HDAC8: variants seen among roughly 807,000 people sequenced by gnomAD.
HDAC8 encodes histone deacetylase-like 1.
HDAC8 carries 1 observed loss-of-function variant against 32.2 expected under a neutral mutation model. That is an observed-to-expected ratio of 0.03 (90% CI 0.01 to 0.15). HDAC8 has a LOEUF of 0.15. HDAC8 is among the 10% of genes least tolerant of loss of function. The pLI is 1.00. For missense variants in HDAC8, 117 were observed against 300.0 expected, an observed-to-expected ratio of 0.39 and a Z score of 4.51; for synonymous variants, 108 against 113.9, an observed-to-expected ratio of 0.95 and a Z score of 0.33.
At position 72,473,751 on chromosome X, in the gene HDAC8, T is replaced by C. The variant is rs1569324711; in HGVS notation, c.738-9020A>G. On this transcript the variant is annotated intron_variant, in intron 7 of 10. Transcript: ENST00000373573. ...TATGTCAATATAACAGCAGATGCTG[T>C]TGCCAAAACTTTACTGGGAAGAGTG... 7 of 752,998 alleles carry C rather than the reference T, an allele frequency of 9.3e-6. No homozygotes were observed. The African/African-American group carries it at 1.6e-4, about 17-fold the overall frequency. 62.1% of individuals were successfully genotyped at this position (752,998 alleles called of 1,213,427 possible). A position where few individuals can be genotyped will look rare whatever the true frequency, so the allele number is the denominator to read the frequency against.
At chrX:72,526,191 A>T (rs2050147554) in intron 4 of HDAC8, among the ~76,000 whole-genome samples, 1 of 111,287 alleles carries the variant, frequency 9.0e-6, no homozygotes, top group South Asian at 3.8e-4. Flanking sequence ...GTGCTCTAGC[A>T]ATACTGAAAT....
chrX:72,413,530 A>G (rs1228583506), intron 9 of HDAC8, among the ~76,000 whole-genome samples: 1 of 110,592 alleles, frequency 9.0e-6, no homozygotes, highest in Non-Finnish European at 1.9e-5. Context: ...CTTGCCAAAT[A>G]TATTTGATAT....
At chrX:72,446,049 G>T (rs1442731608) in intron 9 of HDAC8, among the ~76,000 whole-genome samples, 2 of 112,109 alleles carry the variant, frequency 1.8e-5, no homozygotes, top group Non-Finnish European at 3.8e-5. Context: ...GTGCTGGAGA[G>T]GATGTGGAGA....
At chrX:72,351,996 G>A (rs2044196120) in intron 9 of HDAC8, among the ~76,000 whole-genome samples, 158 bp from the exon 10 acceptor site, 1 of 112,104 alleles carries the variant, frequency 8.9e-6, no homozygotes, top group Non-Finnish European at 1.9e-5. Flanking sequence ...CTGCCTTGGT[G>A]GTATCACTAC....
chrX:72,535,933 T>G (rs1223600433), intron 4 of HDAC8, among the ~76,000 whole-genome samples: 1 of 112,074 alleles, frequency 8.9e-6, no homozygotes, highest in Non-Finnish European at 1.9e-5. Flanking sequence ...TAGAACACAT[T>G]AGCTTTCTTT....
intron 10 of HDAC8, among the ~76,000 whole-genome samples, chrX:72,342,948 G>A (rs1193339427): frequency 9.0e-6 from 1 of 111,225 alleles, no homozygotes; most frequent in Non-Finnish European, 1.9e-5. Context: ...ATACTGTCAA[G>A]AGTTTGGCCA....
chrX:72,499,685 A>C (rs781813427), intron 4 of HDAC8, among the ~76,000 whole-genome samples: 1 of 111,816 alleles, frequency 8.9e-6, no homozygotes, highest in African/African-American at 3.2e-5. Flanking sequence ...GCCCACATCA[A>C]AAAGGTAGAA....
chrX:72,468,426 A>G (rs1555996025), intron 7 of HDAC8, among the ~76,000 whole-genome samples: 2 of 111,261 alleles, frequency 1.8e-5, no homozygotes, highest in Non-Finnish European at 3.8e-5. Flanking sequence ...CACTGTGCCA[A>G]TTCCTCCAGA....
chrX:72,489,192 C>T (rs903005871), intron 6 of HDAC8, 151 bp from the exon 7 acceptor site: 43 of 467,072 alleles, frequency 9.2e-5, no homozygotes, highest in Admixed American at 3.1e-5. Flanking sequence ...GAGAAGCAGG[C>T]AAATCATAAG....
chrX:72,489,052 G>C lies in HDAC8; in HGVS notation c.629-11C>G, dbSNP rs370859588. ...ACACGTCACCTGTTCCTATAAAAGA[G>C]AAGAGCACTATGATCAGTTATTAGG... is the stretch of plus-strand genomic sequence containing the variant. On this transcript the variant is annotated splice_polypyrimidine_tract_variant and intron_variant, in intron 6 of 10. Transcript: ENST00000373573. 3.6e-6 allele frequency: 4 copies of C among 1,100,460 alleles called. No homozygotes were observed. The highest frequency in any genetic ancestry group is 5.0e-6 in the Non-Finnish European group (4 of 803,957). 90.7% of individuals were successfully genotyped at this position (1,100,460 alleles called of 1,213,427 possible).
intron 7 of HDAC8, among the ~76,000 whole-genome samples, chrX:72,466,047 TG>T (rs1167138294): frequency 8.9e-6 from 1 of 112,134 alleles, no homozygotes; most frequent in Non-Finnish European, 1.9e-5. Flanking sequence ...GCTTATCTCC[TG>T]GGTGCAGAGG....
intron 4 of HDAC8, among the ~76,000 whole-genome samples, chrX:72,497,887 T>C (rs919250508): frequency 1.1e-4 from 12 of 111,661 alleles, no homozygotes; most frequent in African/African-American, 3.2e-4. Flanking sequence ...TTACTACATA[T>C]AATTTTGTAT....
chrX:72,532,827 C>A (rs1210495579), intron 4 of HDAC8, among the ~76,000 whole-genome samples: 2 of 111,638 alleles, frequency 1.8e-5, no homozygotes, highest in African/African-American at 3.3e-5. Context: ...TATGGATTAT[C>A]TTTCTACTTA....
intron 9 of HDAC8, among the ~76,000 whole-genome samples, chrX:72,415,170 C>T: frequency 8.9e-6 from 1 of 112,062 alleles, no homozygotes; most frequent in Non-Finnish European, 1.9e-5. Flanking sequence ...TATCAAAATG[C>T]TTCAGTACTA....
At chrX:72,422,957 G>C (rs2046534097) in intron 9 of HDAC8, among the ~76,000 whole-genome samples, 1 of 111,760 alleles carries the variant, frequency 8.9e-6, no homozygotes, top group African/African-American at 3.3e-5. Flanking sequence ...TGCTGAGCCA[G>C]AGCAGGGGCT....
intron 4 of HDAC8, among the ~76,000 whole-genome samples, chrX:72,559,626 A>G (rs1251450406): frequency 9.4e-6 from 1 of 106,254 alleles, no homozygotes; most frequent in Non-Finnish European, 1.9e-5. Context: ...GGAAGTGAGG[A>G]GCGTCTCTGC....
At chrX:72,561,815 A>G (rs1159378747) in intron 4 of HDAC8, among the ~76,000 whole-genome samples, 2 of 112,313 alleles carry the variant, frequency 1.8e-5, no homozygotes. Flanking sequence ...ATTACAAAGA[A>G]CTCAAACAAA....
At position 72,462,104 on chromosome X, in the gene HDAC8, TC is replaced by T; in HGVS notation, c.911-7del. On this transcript the variant is annotated splice_region_variant and splice_polypyrimidine_tract_variant and intron_variant, in intron 8 of 10. Coordinates refer to ENST00000373573, the MANE Select transcript of HDAC8 (RefSeq NM_018486.3). ...GTTGGCAAGGTTATAGCCTCCTGTC[TC>T]CATCAAGAATTGTGAAGTTAGGAAA... The T allele has an allele frequency of 8.5e-7, 1 of 1,180,541 alleles. No homozygotes were observed. Among genetic ancestry groups the T allele is most frequent in the Non-Finnish European group, 1.2e-6 (1 of 868,369 alleles).
intron 4 of HDAC8, among the ~76,000 whole-genome samples, chrX:72,518,648 A>T (rs2049883618): frequency 1.8e-5 from 2 of 111,944 alleles, no homozygotes; most frequent in Non-Finnish European, 3.8e-5. Context: ...CTTTGGACAA[A>T]TACATGATGC....
Sources: gnomAD v4.1 joint callset for allele counts (sites outside exome capture counted in the v4.1 genomes callset) on GRCh38, gnomAD v4.1.1 for gene constraint, MANE v1.5 for transcripts, NCBI Gene and HGNC (gene_info 2026-07-23, HGNC 2026-07-21) for gene names.